Variants in IMMP2L observed in about 807,000 individuals in gnomAD.
IMMP2L encodes inner mitochondrial membrane peptidase subunit 2, also known as mitochondrial inner membrane protease subunit 2.
In IMMP2L, 18 loss-of-function variants were observed where a neutral mutation model predicts 19.3. The observed-to-expected ratio is 0.93, with a 90% CI of 0.64 to 1.38. The LOEUF (loss-of-function observed/expected upper bound fraction) is 1.38. Among genes scored for constraint, IMMP2L ranks in the 40% most tolerant of loss-of-function variants. IMMP2L has a pLI of 0.00. For synonymous variants in IMMP2L, 76 were observed against 73.0 expected (o/e 1.04, Z -0.21); for missense variants, 233 against 218.2 (o/e 1.07, Z -0.43).
At chr7:111,305,641 G>A (rs1822786851) in intron 3 of IMMP2L, among the ~76,000 whole-genome samples, 2 of 152,158 alleles carry the variant, frequency 1.3e-5, no homozygotes, top group Non-Finnish European at 2.9e-5. Context: ...TTAGCACTCT[G>A]ATTTATATAT....
At chr7:111,440,593 G>C (rs554907487) in intron 3 of IMMP2L, among the ~76,000 whole-genome samples, 1 of 151,916 alleles carries the variant, frequency 6.6e-6, no homozygotes, top group Admixed American at 6.5e-5. Context: ...TCCATTTATA[G>C]AGCACAGTCA....
intron 3 of IMMP2L, among the ~76,000 whole-genome samples, chr7:111,305,862 C>T (rs1171321781): frequency 6.6e-6 from 1 of 152,122 alleles, no homozygotes; most frequent in African/African-American, 2.4e-5. Flanking sequence ...ATCTGCATTG[C>T]TTTACACAAA....
chr7:111,123,763 T>C lies in IMMP2L; in HGVS notation c.240-160198A>G, dbSNP rs565365946. The C allele has an allele frequency of 6.2e-7, 1 of 1,613,864 alleles. No individual in the cohort carries two copies. The highest frequency in any genetic ancestry group is 1.3e-5 in the African/African-American group (1 of 74,904). On this transcript the variant is annotated intron_variant, in intron 3 of 5. Coordinates refer to ENST00000405709, the MANE Select transcript of IMMP2L (RefSeq NM_032549.4). The surrounding 1 kb of genome is among the most constrained non-coding windows in gnomAD (Gnocchi z 6.4). The stretch of plus-strand genomic sequence containing the variant: ...GTCTTACATTCACCCCAATGCATTT[T>C]TCAGACTCCCCAAGCTGGAATCACT...
chr7:111,297,263 T>A (rs253373), intron 3 of IMMP2L, among the ~76,000 whole-genome samples: 86,625 of 151,800 alleles, frequency 0.57, 25,506 homozygotes, highest in South Asian at 0.71. Context: ...TACCAACATC[T>A]CTTCCCTGCT....
chr7:111,461,481 T>C (rs1840133749), intron 3 of IMMP2L, among the ~76,000 whole-genome samples: 1 of 152,084 alleles, frequency 6.6e-6, no homozygotes, highest in Non-Finnish European at 1.5e-5. Flanking sequence ...CATTGCCAAG[T>C]TGCTTCCCTA....
At chr7:111,035,445 T>C (rs1279229596) in intron 3 of IMMP2L, among the ~76,000 whole-genome samples, 1 of 152,190 alleles carries the variant, frequency 6.6e-6, no homozygotes, top group Non-Finnish European at 1.5e-5. Flanking sequence ...GAGATGAGGT[T>C]ACTTGGTTGG....
chr7:111,126,480 T>C (rs553151379), intron 3 of IMMP2L, among the ~76,000 whole-genome samples: 23 of 152,158 alleles, frequency 1.5e-4, no homozygotes, highest in Non-Finnish European at 2.6e-4. Flanking sequence ...GAAAAGCTTC[T>C]GAAACTATTT....
At chr7:111,360,602 G>C (rs1157870682) in intron 3 of IMMP2L, among the ~76,000 whole-genome samples, 1 of 152,054 alleles carries the variant, frequency 6.6e-6, no homozygotes, top group Non-Finnish European at 1.5e-5. Flanking sequence ...AGGATTGCTT[G>C]AACCCAGGAG....
chr7:111,276,379 G>T (rs1207600720), intron 3 of IMMP2L, among the ~76,000 whole-genome samples: 1 of 151,968 alleles, frequency 6.6e-6, no homozygotes, highest in African/African-American at 2.4e-5. Flanking sequence ...TGTGTCTATG[G>T]TCATCAGAGA....
At chr7:111,546,466 T>C (rs1483596695) in intron 1 of IMMP2L, among the ~76,000 whole-genome samples, 1 of 152,184 alleles carries the variant, frequency 6.6e-6, no homozygotes, top group African/African-American at 2.4e-5. Flanking sequence ...TCTATCCAAT[T>C]GTTGGTCTTC....
chr7:111,026,788 T>G (rs1484941706), intron 3 of IMMP2L, among the ~76,000 whole-genome samples: 1 of 152,148 alleles, frequency 6.6e-6, no homozygotes, highest in Non-Finnish European at 1.5e-5. Context: ...TCTTTTGGCA[T>G]GCTGTTAGTT....
intron 3 of IMMP2L, among the ~76,000 whole-genome samples, chr7:111,385,383 A>G (rs1831631422): frequency 6.6e-6 from 1 of 152,152 alleles, no homozygotes; most frequent in Non-Finnish European, 1.5e-5. Context: ...CAGGGGAAGC[A>G]GTATCCTGTT....
chr7:110,831,546 T>C (rs966905918), intron 5 of IMMP2L, among the ~76,000 whole-genome samples: 1 of 152,152 alleles, frequency 6.6e-6, no homozygotes, highest in African/African-American at 2.4e-5. Flanking sequence ...CCCTAAAATA[T>C]GCTGCATATT....
chr7:110,756,813 T>C (rs547412911), intron 5 of IMMP2L, among the ~76,000 whole-genome samples: 6 of 152,244 alleles, frequency 3.9e-5, no homozygotes, highest in African/African-American at 1.4e-4. Flanking sequence ...CAATGAAAGA[T>C]ACTGGCTTGC....
At position 111,441,452 on chromosome 7, in the gene IMMP2L, G is replaced by A. The variant is rs924044945; in HGVS notation, c.239+45786C>T. Among the ~76,000 whole-genome samples the A allele has an allele frequency of 5.9e-5, 9 of 151,740 alleles. 1 individual carries two copies. The highest frequency in any genetic ancestry group is 1.0e-4 in the Non-Finnish European group (7 of 68,024). On this transcript the variant is annotated intron_variant, in intron 3 of 5. Transcript: ENST00000405709. ...GAGAGAGATGGAGGAACTGCAGGTC[G>A]GTGGAGGTGAAGTCAAGTCAGAACC...
intron 3 of IMMP2L, among the ~76,000 whole-genome samples, chr7:111,435,062 G>C (rs923298396): frequency 2.0e-5 from 3 of 151,846 alleles, no homozygotes; most frequent in Non-Finnish European, 4.4e-5. Context: ...GCAGATAAGT[G>C]AACACTTATA....
chr7:110,886,533 T>C (rs1004504648), intron 5 of IMMP2L, 60 bp downstream of exon 5: 2 of 894,800 alleles, frequency 2.2e-6, no homozygotes, highest in African/African-American at 1.6e-5. Flanking sequence ...CTATCTGACA[T>C]AGTTTTGTTC....
chr7:110,880,323 A>T (rs931840112), intron 5 of IMMP2L, among the ~76,000 whole-genome samples: 5 of 152,136 alleles, frequency 3.3e-5, no homozygotes, highest in African/African-American at 1.2e-4. Context: ...ATACTGACAC[A>T]GAGCAAAGTC....
At chr7:110,720,084 G>A (rs116442631) in intron 5 of IMMP2L, among the ~76,000 whole-genome samples, 1,958 of 152,220 alleles carry the variant, frequency 0.013, 39 homozygotes, top group African/African-American at 0.044. Context: ...TCATAATGTC[G>A]GGAAATTAGC....
Sources: gnomAD v4.1 joint callset for allele counts (sites outside exome capture counted in the v4.1 genomes callset) on GRCh38, gnomAD v4.1.1 for gene constraint, Gnocchi (gnomAD v3.1) non-coding constraint, MANE v1.5 for transcripts, NCBI Gene and HGNC (gene_info 2026-07-23, HGNC 2026-07-21) for gene names.